The following ICE2 variants were observed in gnomAD, a reference collection of about 807,000 sequenced individuals.
ICE2 encodes the protein interactor of little elongation complex ELL subunit 2.
Under a neutral mutation model 105.4 loss-of-function variants are expected in ICE2, and 87 were observed. The observed-to-expected ratio is 0.83, with a 90% CI of 0.69 to 0.99. ICE2 has a LOEUF of 0.99. Among genes scored for constraint, ICE2 ranks in the 50% least tolerant of loss-of-function variants. ICE2 has a pLI of 0.00. For synonymous variants in ICE2, 399 were observed against 392.0 expected (o/e 1.02, Z -0.21); for missense variants, 1,323 against 1,146.7 (o/e 1.15, Z -2.22).
chr15:60,476,696 C>T (rs1249355234), intron 2 of ICE2, among the ~76,000 whole-genome samples: 2 of 152,210 alleles, frequency 1.3e-5, no homozygotes, highest in Non-Finnish European at 2.9e-5. Context: ...TATGATTTTT[C>T]ATAACACCAT....
rs947608943 is a variant in ICE2, at chr15:60,421,652, A to C, written c.*1982T>G. 1 of 152,166 alleles carries C rather than the reference A, an allele frequency of 6.6e-6. No homozygotes were observed. Among genetic ancestry groups the C allele is most frequent in the African/African-American group, 2.4e-5 (1 of 41,434 alleles). The allele number at this position is 152,166 out of a possible 1,614,324, so 9.4% of individuals were successfully genotyped here. ...GCACATTCCATTCTGGTGCACACAAATGTACATTAAAAATAAAATAAAAAA... is the reference window on the plus strand; with the variant it reads ...GCACATTCCATTCTGGTGCACACAACTGTACATTAAAAATAAAATAAAAAA... On this transcript the variant is annotated 3_prime_UTR_variant, in exon 16 of 16. Coordinates refer to ENST00000261520, the MANE Select transcript of ICE2 (RefSeq NM_024611.6).
Position 60,453,156 on chromosome 15 carries a change from C to T in ICE2, c.1125+447G>A, listed in dbSNP as rs1327524564. ...CTGAGGCAGGAGCATCACTTGAACC[C>T]GGGAGGCGGAGGTTGCAGTGAGCAG... On this transcript the variant is annotated intron_variant, in intron 9 of 15. Coordinates refer to ENST00000261520, the MANE Select transcript of ICE2 (RefSeq NM_024611.6). The T allele has an allele frequency of 1.0e-5, 8 of 796,734 alleles. No homozygotes were observed. In the African/African-American group the frequency reaches 1.1e-4, roughly 11 times the overall value. The allele number at this position is 796,734 out of a possible 1,614,324, so 49.4% of individuals were successfully genotyped here. A position where few individuals can be genotyped will look rare whatever the true frequency, so the allele number is the denominator to read the frequency against.
chr15:60,423,822 T>C (rs2063280198), intron 15 of ICE2, 60 bp from the exon 16 acceptor site: 9 of 1,397,424 alleles, frequency 6.4e-6, no homozygotes, highest in Admixed American at 2.7e-5. Flanking sequence ...CTATATACAG[T>C]CAACTCTGTA....
At chr15:60,478,665 T>A in intron 1 of ICE2, 2 of 332,828 alleles carry the variant, frequency 6.0e-6, no homozygotes, top group Non-Finnish European at 1.2e-5. Flanking sequence ...GAGAACCTAA[T>A]CAAATTTAGG....
intron 9 of ICE2, chr15:60,453,390 G>C: frequency 7.4e-7 from 1 of 1,352,056 alleles, no homozygotes; most frequent in South Asian, 1.8e-5. Context: ...TGTCAAGTAG[G>C]TACTACTTCC....
At chr15:60,454,623 T>C (rs1359846619) in intron 8 of ICE2, 3 of 159,402 alleles carry the variant, frequency 1.9e-5, no homozygotes, top group Non-Finnish European at 2.7e-5. Context: ...AAATCAGTAC[T>C]TTGATATCTG....
chr15:60,460,088 C>G (rs762878988), intron 5 of ICE2, among the ~76,000 whole-genome samples: 1 of 152,090 alleles, frequency 6.6e-6, no homozygotes, highest in Non-Finnish European at 1.5e-5. Flanking sequence ...CCAAAATTTA[C>G]ATAAGAATGT....
At chr15:60,432,607 C>T (rs1450326340) in intron 13 of ICE2, among the ~76,000 whole-genome samples, 1 of 150,930 alleles carries the variant, frequency 6.6e-6, no homozygotes, top group African/African-American at 2.4e-5. Flanking sequence ...AAAAAAAAAA[C>T]GCTGGCCGGG....
chr15:60,476,225 G>T, intron 2 of ICE2, 58 bp from the exon 3 acceptor site: 2 of 1,043,056 alleles, frequency 1.9e-6, no homozygotes, highest in South Asian at 1.4e-5. Context: ...GCTAGACTAT[G>T]ACACATAATG....
At chr15:60,465,515 C>T (rs1470633690) in intron 5 of ICE2, among the ~76,000 whole-genome samples, 2 of 152,086 alleles carry the variant, frequency 1.3e-5, no homozygotes, top group African/African-American at 2.4e-5. Context: ...AAGTGTAACA[C>T]TCCTGCTGTC....
intron 5 of ICE2, among the ~76,000 whole-genome samples, chr15:60,461,710 C>T (rs72746692): frequency 6.8e-4 from 103 of 152,186 alleles, no homozygotes; most frequent in Non-Finnish European, 1.2e-3. Context: ...GGTATTTTTC[C>T]TTTAAATCTA....
At chr15:60,439,650 TG>T (rs2063678440) in intron 12 of ICE2, 1 of 152,310 alleles carries the variant, frequency 6.6e-6, no homozygotes, top group Non-Finnish European at 1.5e-5. Context: ...CCCAAAGTGC[TG>T]GGATTAGAAG....
intron 2 of ICE2, among the ~76,000 whole-genome samples, chr15:60,476,823 T>C (rs2064775643): frequency 6.6e-6 from 1 of 152,194 alleles, no homozygotes; most frequent in African/African-American, 2.4e-5. Context: ...TTAACGTTAC[T>C]AGGGAGGACA....
rs542417602 is a variant in ICE2 at position 60,457,359 on chromosome 15, A to G, written c.529-565T>C. Among the ~76,000 whole-genome samples the G allele has an allele frequency of 2.6e-5, 4 of 152,318 alleles. No individual in the cohort carries two copies. The South Asian group carries it at 6.2e-4, about 24-fold the overall frequency. On this transcript the variant is annotated intron_variant, in intron 5 of 15. Coordinates refer to ENST00000261520, the MANE Select transcript of ICE2 (RefSeq NM_024611.6). ...AAATTCACAGCTTTCTGTGAGAATA[A>G]TATGTGCCACTTCTGATAATATAGA...
intron 5 of ICE2, among the ~76,000 whole-genome samples, chr15:60,458,486 G>A (rs1281810978): frequency 2.6e-5 from 4 of 152,144 alleles, no homozygotes; most frequent in Non-Finnish European, 4.4e-5. Context: ...TCAACACATA[G>A]AGGAGAAACT....
chr15:60,477,434 T>G (rs1461430284), intron 2 of ICE2, among the ~76,000 whole-genome samples: 1 of 152,230 alleles, frequency 6.6e-6, no homozygotes, highest in Non-Finnish European at 1.5e-5. Flanking sequence ...TAAAATGAAC[T>G]AAAGCAGCAC....
Position 60,448,956 on chromosome 15 carries a change from A to G in ICE2, c.2011T>C (p.Leu671=). The change falls in exon 10 of 16, where the codon TTA becomes CTA. Residue 671 remains leucine, a synonymous_variant. Transcript: ENST00000261520. Reference sequence around the variant, plus strand: ...ACAGAAGGCTGTTTAGAATTTTCTAAATTCATTAAGGGCAATTCTGGTACT... The same window carrying G: ...ACAGAAGGCTGTTTAGAATTTTCTAGATTCATTAAGGGCAATTCTGGTACT... ...RKVPELPLMN[L]ENSKQPSVSE... 2.5e-6 allele frequency: 4 copies of G among 1,614,080 alleles called. No homozygotes were observed. Among genetic ancestry groups the G allele is most frequent in the Non-Finnish European group, 3.4e-6 (4 of 1,179,966 alleles).
In ICE2 at chr15:60,431,891, GA is replaced by G. The variant is rs774921984; in HGVS notation, c.2561+42del. On this transcript the variant is annotated intron_variant, in intron 14 of 15. Transcript: ENST00000261520. The stretch of plus-strand genomic sequence containing the variant: ...AAAGTTTCTAAGAATTTTCATCTAA[GA>G]AAATCAGATGTATCAAAGCAAAATG... The G allele has an allele frequency of 5.6e-6, 6 of 1,071,418 alleles. No homozygotes were observed. The South Asian group carries it at 8.6e-5, about 15-fold the overall frequency. The allele number at this position is 1,071,418 out of a possible 1,614,324, so 66.4% of individuals were successfully genotyped here.
chr15:60,432,181 CTTTTTTT>C (rs35081421), intron 13 of ICE2, among the ~76,000 whole-genome samples, 197 bp from the exon 14 acceptor site: 45 of 110,636 alleles, frequency 4.1e-4, no homozygotes, highest in South Asian at 2.7e-3. Flanking sequence ...AAAAAATTTC[CTTTTTTT>C]TTTTTTTTTT....
Sources: gnomAD v4.1 joint callset for allele counts (sites outside exome capture counted in the v4.1 genomes callset) on GRCh38, gnomAD v4.1.1 for gene constraint, MANE v1.5 for transcripts, NCBI Gene and HGNC (gene_info 2026-07-23, HGNC 2026-07-21) for gene names.